The following ATG4B variants were observed in gnomAD, a reference collection of about 807,000 sequenced individuals.
ATG4B encodes cysteine protease ATG4B.
A neutral mutation model predicts 56.6 loss-of-function variants in ATG4B; 29 were observed. The ratio of observed to expected loss-of-function variants is 0.51; its 90% CI spans 0.38 to 0.70. ATG4B has a LOEUF of 0.70. Among genes scored for constraint, ATG4B ranks in the 30% least tolerant of loss-of-function variants. The probability of loss-of-function intolerance (pLI) is 0.00; values close to 1 mark genes in which losing one functional copy is unlikely to be tolerated. For missense variants in ATG4B, 461 were observed against 515.5 expected, an observed-to-expected ratio of 0.89 and a Z score of 1.02; for synonymous variants, 224 against 206.1, an observed-to-expected ratio of 1.09 and a Z score of -0.74.
In ATG4B at chr2:241,651,514, C is replaced by T. The variant is rs148229093; in HGVS notation, c.184+179C>T. Among the ~76,000 whole-genome samples, 173 of 152,328 alleles carry T rather than the reference C, an allele frequency of 1.1e-3. 1 individual carries two copies. The highest frequency in any genetic ancestry group is 3.7e-3 in the African/African-American group (155 of 41,584). On this transcript the variant is annotated intron_variant, in intron 3 of 12. Coordinates refer to ENST00000404914, the MANE Select transcript of ATG4B (RefSeq NM_013325.5). The surrounding 1 kb of genome is among the most constrained non-coding windows in gnomAD (Gnocchi z 4.1). ...GTAGTGGCAAAGCTAGAATCCACGG[C>T]GCCTGACTCTAGGCTAGTGTGTTTT...
intron 6 of ATG4B, among the ~76,000 whole-genome samples, chr2:241,656,778 T>C (rs1046751831): frequency 2.6e-5 from 4 of 152,238 alleles, no homozygotes; most frequent in African/African-American, 4.8e-5. Flanking sequence ...TCTCCTACAG[T>C]GGTCCTTCAG....
intron 7 of ATG4B, among the ~76,000 whole-genome samples, chr2:241,664,440 A>T (rs904957742): frequency 6.6e-6 from 1 of 152,152 alleles, no homozygotes; most frequent in African/African-American, 2.4e-5. Context: ...CGGGAGTCTG[A>T]GGTGGGAGGA....
intron 1 of ATG4B, among the ~76,000 whole-genome samples, chr2:241,641,595 G>C (rs1020649583): frequency 6.6e-6 from 1 of 152,022 alleles, no homozygotes; most frequent in African/African-American, 2.4e-5. Flanking sequence ...ACTTGGGGAG[G>C]TCCTGTCTGG....
chr2:241,669,632 G>C (rs112711187), intron 10 of ATG4B, among the ~76,000 whole-genome samples: 29,920 of 152,080 alleles, frequency 0.2, 3,287 homozygotes, highest in East Asian at 0.28. Flanking sequence ...CTCAGCCTCT[G>C]GATTAGCTGG....
chr2:241,665,161 C>T (rs1010062263), intron 7 of ATG4B, among the ~76,000 whole-genome samples: 1 of 152,200 alleles, frequency 6.6e-6, no homozygotes, highest in Non-Finnish European at 1.5e-5. Context: ...TCCTTGTTTT[C>T]CAGCTGTCTG....
intron 5 of ATG4B, 37 bp downstream of exon 5, chr2:241,654,684 C>A: frequency 6.5e-7 from 1 of 1,531,182 alleles, no homozygotes; most frequent in Non-Finnish European, 8.9e-7. Context: ...CCCACCCGGG[C>A]TGTCTGGAGA....
rs1297699779 is a variant in ATG4B, at chr2:241,638,609, C to T, written c.10+885C>T. Among the ~76,000 whole-genome samples, 5 of 152,300 alleles carry T rather than the reference C, an allele frequency of 3.3e-5. No individual in the cohort carries two copies. The East Asian group carries it at 5.8e-4, about 18-fold the overall frequency. On this transcript the variant is annotated intron_variant, in intron 1 of 12. Coordinates refer to ENST00000404914, the MANE Select transcript of ATG4B (RefSeq NM_013325.5). ...TTTCATCTGGTTTAATTCTGTCATT[C>T]TGAATGGGATTGTTTTTACTTTTTA...
rs2069045020 is a variant in ATG4B at position 241,673,377 on chromosome 2, C to T, written c.*1113C>T. On this transcript the variant is annotated 3_prime_UTR_variant, in exon 13 of 13. Coordinates refer to ENST00000404914, the MANE Select transcript of ATG4B (RefSeq NM_013325.5). Reference sequence around the variant, plus strand: ...CCTGTCCTGGGAAAGTATCTTTGCCCCACTAGGAAATGTAAACAGGAGGGC... The same window carrying T: ...CCTGTCCTGGGAAAGTATCTTTGCCTCACTAGGAAATGTAAACAGGAGGGC... 3 of 362,182 alleles carry T rather than the reference C, an allele frequency of 8.3e-6. No individual in the cohort carries two copies. Among genetic ancestry groups the T allele is most frequent in the Non-Finnish European group, 1.6e-5 (3 of 181,846 alleles). The allele number at this position is 362,182 out of a possible 1,614,324, so 22.4% of individuals were successfully genotyped here. A position where few individuals can be genotyped will look rare whatever the true frequency, so the allele number is the denominator to read the frequency against.
At chr2:241,648,410 C>G (rs1027528733) in intron 1 of ATG4B, among the ~76,000 whole-genome samples, 3 of 152,022 alleles carry the variant, frequency 2.0e-5, no homozygotes, top group Non-Finnish European at 4.4e-5. Context: ...AGCTTGACAA[C>G]ATGATTAGAC....
chr2:241,655,028 C>G (rs1426410714), intron 5 of ATG4B: 3 of 587,238 alleles, frequency 5.1e-6, no homozygotes, highest in Non-Finnish European at 9.1e-6. Flanking sequence ...ACTGTGTTTT[C>G]ACTTATAGAA....
intron 6 of ATG4B, 128 bp from the exon 7 acceptor site, chr2:241,658,980 A>T: frequency 1.6e-6 from 1 of 628,582 alleles, no homozygotes; most frequent in South Asian, 2.1e-5. Context: ...CCCGGATTTT[A>T]GGAGCCTTGG....
chr2:241,647,696 T>A (rs2068106103), intron 1 of ATG4B, among the ~76,000 whole-genome samples: 1 of 152,052 alleles, frequency 6.6e-6, no homozygotes, highest in Admixed American at 6.5e-5. Context: ...AGAATAAGTT[T>A]TCTGGATTTT....
At position 241,668,568 on chromosome 2, in the gene ATG4B, C is replaced by T. The variant is rs780060833; in HGVS notation, c.840C>T (p.His280=). The change falls in exon 10 of 13, where the codon CAC becomes CAT. Residue 280 remains histidine (H), a synonymous_variant. Transcript: ENST00000404914. The surrounding 1 kb of genome is among the most constrained non-coding windows in gnomAD (Gnocchi z 4.2). ...VGEELIYLDP[H]TTQPAVEPTD... is the part of the protein sequence containing the mutation. The stretch of plus-strand genomic sequence containing the variant: ...AGGAGCTCATCTACCTGGACCCCCA[C>T]ACCACGCAGCCAGCCGTGGAGCCCA... 9 of 1,609,592 alleles carry T rather than the reference C, an allele frequency of 5.6e-6. No homozygotes were observed. In the East Asian group the frequency reaches 1.1e-4, roughly 20 times the overall value.
chr2:241,637,889 T>G (rs966335767), intron 1 of ATG4B, 165 bp downstream of exon 1: 17 of 154,654 alleles, frequency 1.1e-4, no homozygotes, highest in East Asian at 8.0e-4. Context: ...TGTTGGTGGG[T>G]GGTGGGCGGT....
rs868539982 is a variant in ATG4B, at chr2:241,666,502, A to G, written c.539-143A>G. 93 of 885,158 alleles carry G rather than the reference A, an allele frequency of 1.1e-4. No homozygotes were observed. In the Middle Eastern group the frequency reaches 1.3e-3, roughly 13 times the overall value. 54.8% of individuals were successfully genotyped at this position (885,158 alleles called of 1,614,324 possible). A position where few individuals can be genotyped will look rare whatever the true frequency, so the allele number is the denominator to read the frequency against. On this transcript the variant is annotated intron_variant, in intron 7 of 12. Transcript: ENST00000404914. Reference sequence around the variant, plus strand: ...TGAAAAAATTTTCTTACGCTTTTCTATATTTTCCAAGTTTGAATTTCACTG... The same window carrying G: ...TGAAAAAATTTTCTTACGCTTTTCTGTATTTTCCAAGTTTGAATTTCACTG...
intron 7 of ATG4B, among the ~76,000 whole-genome samples, chr2:241,665,146 C>G (rs1449736988): frequency 6.6e-6 from 1 of 152,222 alleles, no homozygotes; most frequent in Non-Finnish European, 1.5e-5. Context: ...AGTTCTGTCT[C>G]AGAATCCTTG....
rs763660872 is a variant in ATG4B at position 241,670,719 on chromosome 2, G to T, written c.958-7G>T. 6.2e-7 allele frequency: 1 copy of T among 1,608,504 alleles called. No homozygotes were observed. Among genetic ancestry groups the T allele is most frequent in the Non-Finnish European group, 8.5e-7 (1 of 1,177,320 alleles). Reference sequence around the variant, plus strand: ...GTCGTGTTCTGCTCATCGTCATTTCGTTTTAGGGGTTTTTCTGTAAGACTG... The same window carrying T: ...GTCGTGTTCTGCTCATCGTCATTTCTTTTTAGGGGTTTTTCTGTAAGACTG... On this transcript the variant is annotated splice_region_variant and splice_polypyrimidine_tract_variant and intron_variant, in intron 10 of 12. Transcript: ENST00000404914.
At chr2:241,659,708 A>G (rs1268556757) in intron 7 of ATG4B, 3 of 218,372 alleles carry the variant, frequency 1.4e-5, no homozygotes, top group Non-Finnish European at 2.8e-5. Flanking sequence ...AAATGGGCTC[A>G]TTGAGTGAGT....
intron 6 of ATG4B, among the ~76,000 whole-genome samples, chr2:241,658,432 G>C (rs1377266723): frequency 6.6e-6 from 1 of 152,072 alleles, no homozygotes; most frequent in Non-Finnish European, 1.5e-5. Flanking sequence ...CCCCTCCACA[G>C]GTCTTGCATT....
Sources: allele counts gnomAD v4.1 joint callset (sites outside exome capture counted in the v4.1 genomes callset), GRCh38; gene constraint gnomAD v4.1.1; non-coding constraint Gnocchi (gnomAD v3.1); transcripts MANE v1.5; gene names NCBI Gene and HGNC (gene_info 2026-07-23, HGNC 2026-07-21).